Variants in EHMT1 observed in about 807,000 individuals in gnomAD.
The protein encoded by EHMT1 is histone-lysine N-methyltransferase EHMT1.
In EHMT1, 15 loss-of-function variants were observed where a neutral mutation model predicts 147.2. The ratio of observed to expected loss-of-function variants is 0.10; its 90% CI spans 0.07 to 0.16. EHMT1 has a LOEUF of 0.16. Ranked by LOEUF, EHMT1 falls within the 10% of genes least tolerant of loss-of-function variation. The probability of loss-of-function intolerance (pLI) is 1.00; values close to 1 mark genes in which losing one functional copy is unlikely to be tolerated. For missense variants in EHMT1, 1,587 were observed against 1,772.4 expected (o/e 0.90, Z 1.88); for synonymous variants, 795 against 709.6 (o/e 1.12, Z -1.91).
At chr9:137,744,902 G>A (rs60572571) in intron 6 of EHMT1, among the ~76,000 whole-genome samples, 7,656 of 152,298 alleles carry the variant, frequency 0.05, 619 homozygotes, top group African/African-American at 0.17. Context: ...CAGGGAAACT[G>A]AGGAAGTTCT....
chr9:137,671,778 T>G (rs561589105), intron 1 of EHMT1, among the ~76,000 whole-genome samples: 3 of 152,326 alleles, frequency 2.0e-5, no homozygotes, highest in East Asian at 1.9e-4. Flanking sequence ...TCCACCAGCC[T>G]TGGCCTTCCA....
In EHMT1 at chr9:137,716,901, G is replaced by A. The variant is rs771499811; in HGVS notation, c.361G>A (p.Gly121Ser). 25 of 1,612,986 alleles carry A rather than the reference G, an allele frequency of 1.5e-5. No individual in the cohort carries two copies. Among genetic ancestry groups the A allele is most frequent in the East Asian group, 6.7e-5 (3 of 44,892 alleles). Residue 121 changes from glycine to serine, a missense_variant, in exon 3 of 27, where the codon GGC (glycine) becomes AGC (serine). Physicochemically the swap from Gly to Ser is moderately conservative, Grantham distance 56 (BLOSUM62 0). Coordinates refer to ENST00000460843, the MANE Select transcript of EHMT1 (RefSeq NM_024757.5). The stretch of plus-strand genomic sequence containing the variant: ...CGACTTTGTGCAGACTTCTGTCATC[G>A]GCAGCAACGGATACATCTTAAATAA... ...ADDFVQTSVI[G>S]SNGYILNKPA...
At chr9:137,804,001 G>A (rs1304320811) in intron 18 of EHMT1, among the ~76,000 whole-genome samples, 1 of 152,110 alleles carries the variant, frequency 6.6e-6, no homozygotes, top group Non-Finnish European at 1.5e-5. Flanking sequence ...GCGTGGCTGG[G>A]GGGTCCTCGG....
intron 9 of EHMT1, among the ~76,000 whole-genome samples, chr9:137,758,496 G>A (rs1325457700): frequency 6.6e-6 from 1 of 152,262 alleles, no homozygotes; most frequent in Non-Finnish European, 1.5e-5. Context: ...AGCAGCTTCT[G>A]TTGGGAGTTG....
chr9:137,659,323 T>C (rs985419143), intron 1 of EHMT1, among the ~76,000 whole-genome samples: 1 of 152,032 alleles, frequency 6.6e-6, no homozygotes, highest in Non-Finnish European at 1.5e-5. Flanking sequence ...GTTCTTTGTA[T>C]ATTCTTAATT....
At chr9:137,713,505 T>G (rs1164217702) in intron 2 of EHMT1, among the ~76,000 whole-genome samples, 1 of 151,612 alleles carries the variant, frequency 6.6e-6, no homozygotes, top group African/African-American at 2.4e-5. Context: ...TCTCCTGACC[T>G]CATGATCCAC....
chr9:137,739,361 A>C (rs1471639749), intron 4 of EHMT1, among the ~76,000 whole-genome samples: 1 of 152,062 alleles, frequency 6.6e-6, no homozygotes, highest in Non-Finnish European at 1.5e-5. Context: ...GTCTCAAAAA[A>C]AAAAAAAAAA....
chr9:137,813,141 C>A lies in EHMT1; in HGVS notation c.3003C>A (p.Asp1001Glu), dbSNP rs1208722946. The A allele has an allele frequency of 6.2e-7, 1 of 1,611,800 alleles. No homozygotes were observed. The highest frequency in any genetic ancestry group is 1.7e-5 in the Admixed American group (1 of 60,018). ...AGGCTCTGCAGGACTCGGCCCCCGA[C>A]AGGCCCAGCCCCGTGGAGAGGATAG... ...MSKALQDSAP[D>E]RPSPVERIVS... Residue 1001 changes from aspartate to glutamate, a missense_variant, in exon 20 of 27, where the codon GAC becomes GAA. Asp to Glu is a conservative substitution (Grantham distance 45, BLOSUM62 2). Transcript: ENST00000460843. The surrounding 1 kb of genome is among the most constrained non-coding windows in gnomAD (Gnocchi z 4.9).
At chr9:137,645,639 C>T (rs894544040) in intron 1 of EHMT1, among the ~76,000 whole-genome samples, 2 of 152,166 alleles carry the variant, frequency 1.3e-5, no homozygotes, top group African/African-American at 2.4e-5. Flanking sequence ...TCCATCTCTG[C>T]TGCAGACTGA....
At chr9:137,686,924 G>A (rs1345325594) in intron 1 of EHMT1, among the ~76,000 whole-genome samples, 1 of 151,940 alleles carries the variant, frequency 6.6e-6, no homozygotes, top group Non-Finnish European at 1.5e-5. Context: ...TAGAGACGGG[G>A]TTTCACCATG....
chr9:137,723,948 T>C (rs906149432), intron 3 of EHMT1, among the ~76,000 whole-genome samples: 1 of 152,228 alleles, frequency 6.6e-6, no homozygotes, highest in Non-Finnish European at 1.5e-5. Flanking sequence ...CACTGGCAGC[T>C]TCACTGTTGT....
intron 1 of EHMT1, among the ~76,000 whole-genome samples, chr9:137,647,926 C>T (rs11137167): frequency 0.15 from 22,801 of 152,042 alleles, 2,022 homozygotes; most frequent in Admixed American, 0.3. Flanking sequence ...CTCGCTCTCT[C>T]CTGCTTTCTT....
At chr9:137,694,789 C>T (rs541099642) in intron 1 of EHMT1, among the ~76,000 whole-genome samples, 1 of 152,318 alleles carries the variant, frequency 6.6e-6, no homozygotes, top group South Asian at 2.1e-4. Context: ...TGCCCTTGAC[C>T]CGGCGAATCT....
At chr9:137,802,554 G>T (rs565741731) in intron 18 of EHMT1, 6 of 398,328 alleles carry the variant, frequency 1.5e-5, no homozygotes, top group Non-Finnish European at 2.7e-5. Flanking sequence ...TGTCTGAGGA[G>T]GGAGGGCTGA....
chr9:137,779,782 C>T lies in EHMT1; in HGVS notation c.2275+65C>T. 1.9e-6 allele frequency: 3 copies of T among 1,555,098 alleles called. No homozygotes were observed. The South Asian group carries it at 3.4e-5, about 17-fold the overall frequency. ...CTGTGGCACTGAAAGAAGCCGAGAG[C>T]AGTTGTTACTCCTTCCTCAGGAGGC... On this transcript the variant is annotated intron_variant, in intron 14 of 26. Coordinates refer to ENST00000460843, the MANE Select transcript of EHMT1 (RefSeq NM_024757.5).
At chr9:137,668,669 C>T (rs1939988982) in intron 1 of EHMT1, among the ~76,000 whole-genome samples, 1 of 152,206 alleles carries the variant, frequency 6.6e-6, no homozygotes. Flanking sequence ...CTTTCCTTCC[C>T]TGTCGATTTG....
At chr9:137,691,260 G>A (rs1249667731) in intron 1 of EHMT1, among the ~76,000 whole-genome samples, 1 of 151,032 alleles carries the variant, frequency 6.6e-6, no homozygotes, top group African/African-American at 2.4e-5. Flanking sequence ...TGTGTTATAG[G>A]ATGTGTCTGA....
intron 25 of EHMT1, among the ~76,000 whole-genome samples, chr9:137,827,250 C>T (rs1955868813): frequency 6.6e-6 from 1 of 152,218 alleles, no homozygotes; most frequent in East Asian, 1.9e-4. Flanking sequence ...CCATGAGTGT[C>T]CCTAAGTCCA....
chr9:137,751,523 C>T (rs1385389482), intron 6 of EHMT1, among the ~76,000 whole-genome samples: 1 of 152,126 alleles, frequency 6.6e-6, no homozygotes, highest in Non-Finnish European at 1.5e-5. Flanking sequence ...AGTGGAATAG[C>T]GCAGCAAAGG....
Sources: gnomAD v4.1 joint callset for allele counts (sites outside exome capture counted in the v4.1 genomes callset) on GRCh38, gnomAD v4.1.1 for gene constraint, Gnocchi (gnomAD v3.1) non-coding constraint, MANE v1.5 for transcripts, NCBI Gene and HGNC (gene_info 2026-07-23, HGNC 2026-07-21) for gene names.